Variants in ERBB4 observed in about 807,000 individuals in gnomAD.
The protein encoded by ERBB4 is erb-b2 receptor tyrosine kinase 4.
Under a neutral mutation model 158.0 loss-of-function variants are expected in ERBB4, and 42 were observed. The ratio of observed to expected loss-of-function variants is 0.27; its 90% CI spans 0.21 to 0.34. The LOEUF (loss-of-function observed/expected upper bound fraction) is 0.34. Ranked by LOEUF, ERBB4 falls within the 10% of genes least tolerant of loss-of-function variation. The pLI is 1.00. For synonymous variants in ERBB4, 583 were observed against 558.7 expected (o/e 1.04, Z -0.61); for missense variants, 1,333 against 1,624.1 (o/e 0.82, Z 3.08).
chr2:211,696,937 T>C (rs1479669210), intron 12 of ERBB4, among the ~76,000 whole-genome samples: 1 of 152,206 alleles, frequency 6.6e-6, no homozygotes, highest in Non-Finnish European at 1.5e-5. Flanking sequence ...CCCAAAGTGC[T>C]GGGATTACAG....
chr2:211,982,638 C>T (rs1358256851), intron 2 of ERBB4, among the ~76,000 whole-genome samples: 1 of 152,112 alleles, frequency 6.6e-6, no homozygotes, highest in Non-Finnish European at 1.5e-5. Context: ...CAATAGAATG[C>T]AGTGTGTTGT....
intron 24 of ERBB4, among the ~76,000 whole-genome samples, chr2:211,421,756 T>G (rs1054871363): frequency 4.6e-5 from 7 of 151,940 alleles, no homozygotes; most frequent in African/African-American, 1.7e-4. Flanking sequence ...GATTAAGACC[T>G]CTTTATGTAT....
chr2:212,207,596 G>T (rs569150606), intron 1 of ERBB4, among the ~76,000 whole-genome samples: 82 of 152,220 alleles, frequency 5.4e-4, no homozygotes, highest in Non-Finnish European at 1.0e-3. Flanking sequence ...TATAAGCAGT[G>T]AAAATTTGTT....
intron 1 of ERBB4, among the ~76,000 whole-genome samples, chr2:212,457,494 T>C (rs1688355894): frequency 6.6e-6 from 1 of 152,064 alleles, no homozygotes; most frequent in African/African-American, 2.4e-5. Context: ...TCTACGAAGG[T>C]GATAATAAGC....
At chr2:212,447,961 T>G (rs2092387842) in intron 1 of ERBB4, among the ~76,000 whole-genome samples, 1 of 152,160 alleles carries the variant, frequency 6.6e-6, no homozygotes. Flanking sequence ...TTGAATCAAA[T>G]CACACTATTA....
chr2:212,358,419 A>C (rs1249749732), intron 1 of ERBB4, among the ~76,000 whole-genome samples: 1 of 151,748 alleles, frequency 6.6e-6, no homozygotes, highest in African/African-American at 2.4e-5. Context: ...AGGAAGGTAC[A>C]CTTGTACAGT....
At chr2:211,645,811 ATG>A (rs1013057041) in intron 16 of ERBB4, among the ~76,000 whole-genome samples, 1 of 151,724 alleles carries the variant, frequency 6.6e-6, no homozygotes, top group African/African-American at 2.4e-5. Context: ...GTAATATTTA[ATG>A]TGTTTTCTAT....
chr2:212,152,315 A>G (rs1332082171), intron 1 of ERBB4, among the ~76,000 whole-genome samples: 1 of 152,170 alleles, frequency 6.6e-6, no homozygotes, highest in Non-Finnish European at 1.5e-5. Context: ...TACTGTGATA[A>G]TTAAATAAAA....
chr2:211,750,060 T>C (rs956591561), intron 5 of ERBB4, among the ~76,000 whole-genome samples: 1 of 152,162 alleles, frequency 6.6e-6, no homozygotes, highest in Non-Finnish European at 1.5e-5. Context: ...TGTTACTATA[T>C]GTCTTAGCAA....
intron 20 of ERBB4, among the ~76,000 whole-genome samples, chr2:211,521,454 C>T (rs1379757932): frequency 6.6e-6 from 1 of 152,108 alleles, no homozygotes; most frequent in Non-Finnish European, 1.5e-5. Flanking sequence ...GAGGTTGGTT[C>T]ATGAGGTATA....
In ERBB4 at chr2:212,103,698, T is replaced by G. The variant is rs1366292981; in HGVS notation, c.234+21054A>C. 4.7e-5 allele frequency among the ~76,000 whole-genome samples: 7 copies of G among 147,948 alleles called. No individual in the cohort carries two copies. In the East Asian group the frequency reaches 1.2e-3, roughly 25 times the overall value. On this transcript the variant is annotated intron_variant, in intron 2 of 27. Transcript: ENST00000342788. ...AGGGAAGACTGCCCTTTCTCCGTTA[T>G]GCAATCCAATGTCTGATTTTTCATT...
intron 7 of ERBB4, among the ~76,000 whole-genome samples, chr2:211,715,768 C>T (rs2073875364): frequency 1.3e-5 from 2 of 152,144 alleles, no homozygotes; most frequent in East Asian, 1.9e-4. Flanking sequence ...GAGCCCTCTC[C>T]AGAACCCCTC....
intron 20 of ERBB4, among the ~76,000 whole-genome samples, chr2:211,510,536 T>C (rs765488042): frequency 1.3e-5 from 2 of 152,118 alleles, no homozygotes; most frequent in Non-Finnish European, 2.9e-5. Context: ...TACTAAAATG[T>C]TGCACTAAAA....
chr2:211,899,747 G>T (rs1237080836), intron 3 of ERBB4, among the ~76,000 whole-genome samples: 1 of 152,106 alleles, frequency 6.6e-6, no homozygotes, highest in Non-Finnish European at 1.5e-5. Context: ...GGTAACCTGA[G>T]CTTGCCACTA....
At chr2:211,933,307 G>T (rs1424270222) in intron 3 of ERBB4, among the ~76,000 whole-genome samples, 2 of 151,970 alleles carry the variant, frequency 1.3e-5, no homozygotes, top group African/African-American at 4.8e-5. Context: ...AATGACACAG[G>T]CTGCTTCCTT....
At chr2:211,895,925 C>T (rs75981138) in intron 3 of ERBB4, among the ~76,000 whole-genome samples, 17,175 of 152,158 alleles carry the variant, frequency 0.11, 1,240 homozygotes, top group African/African-American at 0.2. Flanking sequence ...TCAGTCTTCA[C>T]TGCACTGGCT....
chr2:212,379,308 C>G (rs1015347460), intron 1 of ERBB4, among the ~76,000 whole-genome samples: 1 of 151,688 alleles, frequency 6.6e-6, no homozygotes, highest in African/African-American at 2.4e-5. Flanking sequence ...CACACAGCAA[C>G]AAAGTAGTCG....
intron 3 of ERBB4, among the ~76,000 whole-genome samples, chr2:211,904,690 A>C (rs1209555401): frequency 6.6e-6 from 1 of 152,184 alleles, no homozygotes; most frequent in Non-Finnish European, 1.5e-5. Flanking sequence ...TTATTTTATC[A>C]GAAATCTTAC....
chr2:212,054,716 T>G (rs142990983), intron 2 of ERBB4, among the ~76,000 whole-genome samples: 1 of 152,154 alleles, frequency 6.6e-6, no homozygotes, highest in Non-Finnish European at 1.5e-5. Flanking sequence ...AGCCATCAGA[T>G]GCTTTTTCTG....
Sources: gnomAD v4.1 joint callset for allele counts (sites outside exome capture counted in the v4.1 genomes callset) on GRCh38, gnomAD v4.1.1 for gene constraint, MANE v1.5 for transcripts, NCBI Gene and HGNC (gene_info 2026-07-23, HGNC 2026-07-21) for gene names.